The following SFI1 variants were observed in gnomAD, a reference collection of about 807,000 sequenced individuals.
SFI1 encodes the protein protein SFI1 homolog.
Under a neutral mutation model 207.5 loss-of-function variants are expected in SFI1, and 195 were observed. The ratio of observed to expected loss-of-function variants is 0.94; its 90% CI spans 0.84 to 1.06. The LOEUF (loss-of-function observed/expected upper bound fraction) is 1.06. SFI1 is among the 50% of genes least tolerant of loss of function. SFI1 has a pLI of 0.00. For synonymous variants in SFI1, 630 were observed against 598.9 expected (o/e 1.05, Z -0.76); for missense variants, 1,634 against 1,588.0 (o/e 1.03, Z -0.49).
intron 2 of SFI1, among the ~76,000 whole-genome samples, chr22:31,520,274 A>T (rs1162551283): frequency 6.6e-6 from 1 of 151,940 alleles, no homozygotes; most frequent in Non-Finnish European, 1.5e-5. Context: ...GCTTGACTTG[A>T]ATGGTAATTA....
rs147283169 is a variant in SFI1 at position 31,543,655 on chromosome 22, C to T, written c.339-3206C>T. ...CAAAACCCCATCTTTACTAAAAGTA[C>T]AAAAATTAGCTGGGCATGGTGGCAC... On this transcript the variant is annotated intron_variant, in intron 4 of 32. Coordinates refer to ENST00000400288, the MANE Select transcript of SFI1 (RefSeq NM_001007467.3). Among the ~76,000 whole-genome samples, 59 of 151,320 alleles carry T rather than the reference C, an allele frequency of 3.9e-4. No individual in the cohort carries two copies. The East Asian group carries it at 0.011, about 28-fold the overall frequency.
intron 2 of SFI1, among the ~76,000 whole-genome samples, chr22:31,519,369 C>T (rs2056929027): frequency 6.7e-6 from 1 of 150,224 alleles, no homozygotes; most frequent in African/African-American, 2.5e-5. Context: ...CTCCTGGGTT[C>T]AAGTGATCTT....
intron 5 of SFI1, among the ~76,000 whole-genome samples, 194 bp from the exon 6 acceptor site, chr22:31,550,060 T>C (rs1256463130): frequency 6.6e-6 from 1 of 151,482 alleles, no homozygotes; most frequent in Non-Finnish European, 1.5e-5. Context: ...GCCTCCGGAG[T>C]AGGTGGGATT....
chr22:31,502,096 T>G (rs2053880971), intron 1 of SFI1, among the ~76,000 whole-genome samples: 1 of 152,234 alleles, frequency 6.6e-6, no homozygotes, highest in Non-Finnish European at 1.5e-5. Flanking sequence ...ATCTTACTTG[T>G]TCTTATGAAT....
At chr22:31,497,740 C>A (rs563925427) in intron 1 of SFI1, among the ~76,000 whole-genome samples, 1 of 152,166 alleles carries the variant, frequency 6.6e-6, no homozygotes, top group African/African-American at 2.4e-5. Context: ...GATGACCACA[C>A]ATCTCTTTAC....
At chr22:31,598,931 T>C (rs550448605) in intron 15 of SFI1, among the ~76,000 whole-genome samples, 15 of 148,778 alleles carry the variant, frequency 1.0e-4, no homozygotes, top group Admixed American at 3.4e-4. Context: ...GTAGCTGGGA[T>C]TACAAGCGCA....
At chr22:31,608,163 T>C (rs1387751470) in intron 22 of SFI1, 130 bp downstream of exon 22, 1 of 654,296 alleles carries the variant, frequency 1.5e-6, no homozygotes, top group Non-Finnish European at 2.6e-6. Flanking sequence ...CATGACAAAG[T>C]ACCACAGACT....
intron 31 of SFI1, among the ~76,000 whole-genome samples, chr22:31,617,342 G>GT (rs1355949846): frequency 6.6e-6 from 1 of 152,010 alleles, no homozygotes; most frequent in African/African-American, 2.4e-5. Flanking sequence ...GCTTCCTATG[G>GT]GGGGGACGAT....
chr22:31,557,170 GT>G, intron 7 of SFI1, 111 bp downstream of exon 7: 1 of 694,946 alleles, frequency 1.4e-6, no homozygotes, highest in Non-Finnish European at 2.3e-6. Flanking sequence ...TTTGTATTTG[GT>G]TTTATTTTTG....
chr22:31,496,327 G>C (rs1000170359), upstream of SFI1: 6 of 152,264 alleles, frequency 3.9e-5, no homozygotes, highest in Non-Finnish European at 7.3e-5. Context: ...AAGAACCCTC[G>C]GTGGGGATGC....
chr22:31,552,044 T>G (rs557776460), intron 6 of SFI1, among the ~76,000 whole-genome samples: 25 of 152,308 alleles, frequency 1.6e-4, no homozygotes, highest in African/African-American at 6.0e-4. Context: ...TTCCCCTCGT[T>G]TGGAGTCCCC....
At chr22:31,610,712 G>A (rs888721244) in intron 22 of SFI1, among the ~76,000 whole-genome samples, 1 of 152,196 alleles carries the variant, frequency 6.6e-6, no homozygotes, top group South Asian at 2.1e-4. Context: ...CTGTGACTGG[G>A]CCTTGGTTTC....
chr22:31,530,430 C>G (rs1430745803), intron 3 of SFI1, among the ~76,000 whole-genome samples: 2 of 133,800 alleles, frequency 1.5e-5, no homozygotes, highest in Non-Finnish European at 3.1e-5. Flanking sequence ...GCGGAGCTTG[C>G]AGTGAGCAGA....
chr22:31,539,738 G>A (rs962200091), intron 4 of SFI1, among the ~76,000 whole-genome samples: 2 of 150,570 alleles, frequency 1.3e-5, no homozygotes, highest in Non-Finnish European at 3.0e-5. Context: ...TTTTTTTTGA[G>A]ACAGGGTCTC....
intron 15 of SFI1, among the ~76,000 whole-genome samples, chr22:31,600,521 T>C (rs2067929331): frequency 6.6e-6 from 1 of 152,230 alleles, no homozygotes; most frequent in Non-Finnish European, 1.5e-5. Context: ...CTGCTAGGCC[T>C]CCAGGCCCTC....
chr22:31,612,394 A>ATACATATATAT (rs1367477107), intron 24 of SFI1: 25 of 107,356 alleles, frequency 2.3e-4, no homozygotes, highest in African/African-American at 9.0e-4. Flanking sequence ...AAAAAAAAAA[A>ATACATATATAT]AAAAATATAT....
In SFI1 at chr22:31,603,633, G is replaced by T. The variant is rs113977016; in HGVS notation, c.1806-111G>T. On this transcript the variant is annotated intron_variant, in intron 17 of 32. Coordinates refer to ENST00000400288, the MANE Select transcript of SFI1 (RefSeq NM_001007467.3). ...TTGGCAGCTCTTCAGAGAGGGTCTT[G>T]GCTCCCCCAAAAACTTAACCAGGTA... is the stretch of plus-strand genomic sequence containing the variant. 1,413 of 840,108 alleles carry T rather than the reference G, an allele frequency of 1.7e-3. 21 individuals are homozygous for T. In the African/African-American group the frequency reaches 0.022, roughly 13 times the overall value. 52.0% of individuals were successfully genotyped at this position (840,108 alleles called of 1,614,324 possible). A position where few individuals can be genotyped will look rare whatever the true frequency, so the allele number is the denominator to read the frequency against.
At chr22:31,545,550 AT>A (rs1443929419) in intron 4 of SFI1, among the ~76,000 whole-genome samples, 2 of 119,802 alleles carry the variant, frequency 1.7e-5, no homozygotes, top group Non-Finnish European at 3.3e-5. Context: ...GGAGTTTTTA[AT>A]TTAATTTAAT....
rs1209678328 is a variant in SFI1 at position 31,589,470 on chromosome 22, TC to T, written c.1438del (p.His480IlefsTer39). 1.9e-6 allele frequency: 3 copies of T among 1,612,656 alleles called. No individual in the cohort carries two copies. In the African/African-American group the frequency reaches 4.0e-5, roughly 22 times the overall value. ...AGCTGCTACAGGCCAGAGCGGATGG[TC>T]ATTTCCAGCAGAGAGCCCTGCCTGC... is the stretch of plus-strand genomic sequence containing the variant. The part of the protein sequence containing the change: ...KQLLQARADG[H>X]FQQRALPAAF... On this transcript the variant is annotated frameshift_variant, in exon 15 of 33. Transcript: ENST00000400288. LOFTEE classifies it high-confidence loss of function.
Sources: allele counts gnomAD v4.1 joint callset (sites outside exome capture counted in the v4.1 genomes callset), GRCh38; gene constraint gnomAD v4.1.1; transcripts MANE v1.5; gene names NCBI Gene and HGNC (gene_info 2026-07-23, HGNC 2026-07-21).